KCNQ5: variants seen among roughly 807,000 people sequenced by gnomAD.
KCNQ5 encodes potassium voltage-gated channel subfamily Q member 5, also known as potassium voltage-gated channel subfamily KQT member 5.
KCNQ5 carries 30 observed loss-of-function variants against 98.2 expected under a neutral mutation model. The observed-to-expected ratio is 0.31, with a 90% CI of 0.23 to 0.41. The LOEUF (loss-of-function observed/expected upper bound fraction) is 0.41, where lower values mean the gene tolerates loss of function less well. KCNQ5 is among the 10% of genes least tolerant of loss of function. KCNQ5 has a pLI of 1.00. For synonymous variants in KCNQ5, 458 were observed against 449.4 expected (o/e 1.02, Z -0.24); for missense variants, 835 against 1,182.5 (o/e 0.71, Z 4.31).
chr6:72,962,199 A>G (rs1302244009), intron 1 of KCNQ5, among the ~76,000 whole-genome samples: 1 of 102,014 alleles, frequency 9.8e-6, no homozygotes, highest in East Asian at 3.7e-4. Context: ...ATATATATAT[A>G]TACATATATA....
chr6:72,721,474 A>G (rs1769956015), intron 1 of KCNQ5, among the ~76,000 whole-genome samples: 2 of 152,014 alleles, frequency 1.3e-5, no homozygotes, highest in Admixed American at 1.3e-4. Flanking sequence ...TAGATTTATG[A>G]AGACATTTAC....
At chr6:73,005,000 G>A (rs968406878) in intron 2 of KCNQ5, among the ~76,000 whole-genome samples, 4 of 152,216 alleles carry the variant, frequency 2.6e-5, no homozygotes, top group Non-Finnish European at 5.9e-5. Flanking sequence ...GGGGGCAGAT[G>A]CTTTTCCTAC....
chr6:72,783,856 G>C (rs1773606956), intron 1 of KCNQ5, among the ~76,000 whole-genome samples: 1 of 152,124 alleles, frequency 6.6e-6, no homozygotes, highest in Non-Finnish European at 1.5e-5. Flanking sequence ...TTTTGGATTG[G>C]AGGCTTCTTT....
At chr6:72,883,277 G>C (rs187176043) in intron 1 of KCNQ5, among the ~76,000 whole-genome samples, 12 of 152,134 alleles carry the variant, frequency 7.9e-5, no homozygotes, top group Admixed American at 3.9e-4. Context: ...TAGAGTAGTA[G>C]TTGATGCCTC....
chr6:72,661,981 G>A (rs928192687), intron 1 of KCNQ5, among the ~76,000 whole-genome samples: 7 of 152,036 alleles, frequency 4.6e-5, no homozygotes, highest in East Asian at 1.9e-4. Flanking sequence ...TAGAGGTGGC[G>A]CAGTGCTCAT....
intron 1 of KCNQ5, among the ~76,000 whole-genome samples, chr6:72,853,416 T>C (rs1334198839): frequency 2.0e-5 from 3 of 152,100 alleles, no homozygotes; most frequent in Non-Finnish European, 1.5e-5. Flanking sequence ...CCATCGCAGC[T>C]CACTGAAACT....
intron 2 of KCNQ5, among the ~76,000 whole-genome samples, chr6:73,031,946 T>C (rs1440550932): frequency 2.6e-5 from 4 of 152,194 alleles, no homozygotes; most frequent in Admixed American, 2.6e-4. Flanking sequence ...ACATAACTCC[T>C]CCGTAAGAAA....
chr6:72,862,021 C>T (rs1015481976), intron 1 of KCNQ5, among the ~76,000 whole-genome samples: 6 of 152,146 alleles, frequency 3.9e-5, no homozygotes, highest in Non-Finnish European at 8.8e-5. Context: ...ATCTTTAGTA[C>T]ATGTGGTTCT....
intron 11 of KCNQ5, among the ~76,000 whole-genome samples, chr6:73,187,798 C>T (rs755112939): frequency 8.5e-5 from 13 of 152,134 alleles, no homozygotes; most frequent in Non-Finnish European, 1.6e-4. Context: ...ACTATGACTG[C>T]GTGAGTGCTA....
At chr6:73,055,768 C>T in intron 3 of KCNQ5, 1 of 972,950 alleles carries the variant, frequency 1.0e-6, no homozygotes, top group South Asian at 1.3e-5. Flanking sequence ...TGAAGCCCAT[C>T]AAGCCCAGCC....
chr6:72,869,670 C>T (rs898288475), intron 1 of KCNQ5, among the ~76,000 whole-genome samples: 1 of 152,096 alleles, frequency 6.6e-6, no homozygotes, highest in Non-Finnish European at 1.5e-5. Flanking sequence ...AAGGATGAAA[C>T]TTTTGCTTTG....
intron 1 of KCNQ5, among the ~76,000 whole-genome samples, chr6:72,794,674 A>C (rs776350503): frequency 2.0e-5 from 3 of 152,158 alleles, no homozygotes; most frequent in Non-Finnish European, 4.4e-5. Flanking sequence ...GGTAAAGCTA[A>C]AGGTTAGCAC....
chr6:72,774,760 A>G lies in KCNQ5; in HGVS notation c.398+152173A>G, dbSNP rs1773081261. 2.0e-5 allele frequency among the ~76,000 whole-genome samples: 3 copies of G among 152,176 alleles called. No homozygotes were observed. The South Asian group carries it at 6.2e-4, about 32-fold the overall frequency. ...TTCTCGGCTTAATTAGTTATCAGTA[A>G]AATAAAAAATAAAATGTCAATGACA... On this transcript the variant is annotated intron_variant, in intron 1 of 13. Coordinates refer to ENST00000370398, the MANE Select transcript of KCNQ5 (RefSeq NM_019842.4).
At chr6:73,073,538 C>G (rs1292054658) in intron 3 of KCNQ5, among the ~76,000 whole-genome samples, 1 of 152,124 alleles carries the variant, frequency 6.6e-6, no homozygotes, top group East Asian at 1.9e-4. Flanking sequence ...AAAATTGTCC[C>G]CATTCGGAAT....
At chr6:73,005,211 A>G (rs929309681) in intron 2 of KCNQ5, among the ~76,000 whole-genome samples, 1 of 152,228 alleles carries the variant, frequency 6.6e-6, no homozygotes, top group Non-Finnish European at 1.5e-5. Flanking sequence ...TAGACCAAAG[A>G]GCACATCAGA....
chr6:72,925,030 T>C (rs565590569), intron 1 of KCNQ5, among the ~76,000 whole-genome samples: 8 of 152,320 alleles, frequency 5.3e-5, no homozygotes, highest in Non-Finnish European at 1.2e-4. Context: ...GATTTATAAA[T>C]CATAAAAATG....
rs970714864 is a variant in KCNQ5 at position 73,197,938 on chromosome 6, A to G, written c.*2524A>G. 3 of 152,232 alleles carry G rather than the reference A, an allele frequency of 2.0e-5. No homozygotes were observed. Among genetic ancestry groups the G allele is most frequent in the Non-Finnish European group, 2.9e-5 (2 of 68,044 alleles). The allele number at this position is 152,232 out of a possible 1,614,324, so 9.4% of individuals were successfully genotyped here. On this transcript the variant is annotated 3_prime_UTR_variant, in exon 14 of 14. Coordinates refer to ENST00000370398, the MANE Select transcript of KCNQ5 (RefSeq NM_019842.4). ...TAATCATAGCAAAATGTGATAAACC[A>G]TGTTGTGAAAAACTTTTATACATTG...
At chr6:72,856,495 CGT>C (rs5877338) in intron 1 of KCNQ5, among the ~76,000 whole-genome samples, 4 of 144,144 alleles carry the variant, frequency 2.8e-5, no homozygotes, top group Non-Finnish European at 6.1e-5. Flanking sequence ...CACACACACA[CGT>C]GTGTGTATTT....
intron 1 of KCNQ5, among the ~76,000 whole-genome samples, chr6:72,959,682 A>G (rs1165794795): frequency 6.6e-6 from 1 of 152,208 alleles, no homozygotes; most frequent in Admixed American, 6.5e-5. Flanking sequence ...AATAAATCAC[A>G]CTGTCTCATT....
Sources: gnomAD v4.1 joint callset for allele counts (sites outside exome capture counted in the v4.1 genomes callset) on GRCh38, gnomAD v4.1.1 for gene constraint, MANE v1.5 for transcripts, NCBI Gene and HGNC (gene_info 2026-07-23, HGNC 2026-07-21) for gene names.